The following KYNU variants were observed in gnomAD, a reference collection of about 807,000 sequenced individuals.
KYNU encodes kynureninase.
Under a neutral mutation model 59.2 loss-of-function variants are expected in KYNU, and 54 were observed. The observed-to-expected ratio is 0.91, with a 90% CI of 0.73 to 1.14. The LOEUF is 1.14. Among genes scored for constraint, KYNU ranks in the 50% most tolerant of loss-of-function variants. The pLI, the probability that KYNU is intolerant of heterozygous loss-of-function variation, is 0.00. For synonymous variants in KYNU, 177 were observed against 192.0 expected (o/e 0.92, Z 0.65); for missense variants, 567 against 554.4 (o/e 1.02, Z -0.23).
chr2:142,998,041 A>G (rs1198483287), intron 10 of KYNU, among the ~76,000 whole-genome samples: 2 of 152,200 alleles, frequency 1.3e-5, no homozygotes, highest in African/African-American at 4.8e-5. Context: ...TATGATGTTC[A>G]AAGAACACAC....
rs1687264332 is a variant in KYNU at position 143,051,475 on chromosome 2, G to C, written c.*9303G>C. Reference sequence around the variant, plus strand: ...ATATAAATTATATTTTTATTTCATAGTGGTATTTTCAATTTTGTCTGGGAT... The same window carrying C: ...ATATAAATTATATTTTTATTTCATACTGGTATTTTCAATTTTGTCTGGGAT... On this transcript the variant is annotated 3_prime_UTR_variant, in exon 14 of 14. Transcript: ENST00000264170. The C allele has an allele frequency of 6.6e-6, 1 of 151,948 alleles. No homozygotes were observed. Among genetic ancestry groups the C allele is most frequent in the African/African-American group, 2.4e-5 (1 of 41,358 alleles). 9.4% of individuals were successfully genotyped at this position (151,948 alleles called of 1,614,324 possible). A position where few individuals can be genotyped will look rare whatever the true frequency, so the allele number is the denominator to read the frequency against.
intron 4 of KYNU, 91 bp downstream of exon 4, chr2:142,927,832 T>C: frequency 1.1e-6 from 1 of 886,356 alleles, no homozygotes; most frequent in Non-Finnish European, 1.9e-6. Flanking sequence ...AAAATCTTAT[T>C]GAAGAACATA....
Position 143,055,480 on chromosome 2 carries a change from C to T in KYNU, c.*13308C>T, listed in dbSNP as rs893429463. The T allele has an allele frequency of 6.6e-6, 1 of 152,180 alleles. No individual in the cohort carries two copies. The highest frequency in any genetic ancestry group is 2.4e-5 in the African/African-American group (1 of 41,444). The allele number at this position is 152,180 out of a possible 1,614,324, so 9.4% of individuals were successfully genotyped here. On this transcript the variant is annotated 3_prime_UTR_variant, in exon 14 of 14. Transcript: ENST00000264170. ...TTTGAGTCTATTGAGGCCAACTGGA[C>T]AATCAAGGATTATCTCCCTATGTTA...
At chr2:143,015,966 A>G (rs530382945) in intron 10 of KYNU, among the ~76,000 whole-genome samples, 42 of 152,244 alleles carry the variant, frequency 2.8e-4, no homozygotes, top group African/African-American at 7.5e-4. Flanking sequence ...AGAATAGTCT[A>G]TTTCCTCACA....
chr2:142,987,992 A>G (rs112249990), intron 10 of KYNU, among the ~76,000 whole-genome samples: 1 of 151,904 alleles, frequency 6.6e-6, no homozygotes, highest in Non-Finnish European at 1.5e-5. Context: ...AAGTTTCCTG[A>G]GGCCTTCCCA....
At position 142,983,772 on chromosome 2, in the gene KYNU, A is replaced by G. The variant is rs72849137; in HGVS notation, c.730-1312A>G. Among the ~76,000 whole-genome samples, 1,314 of 152,220 alleles carry G rather than the reference A, an allele frequency of 8.6e-3. 7 individuals carry two copies. The highest frequency in any genetic ancestry group is 0.013 in the Non-Finnish European group (895 of 67,964). On this transcript the variant is annotated intron_variant, in intron 8 of 13. Transcript: ENST00000264170. The stretch of plus-strand genomic sequence containing the variant: ...TTTGTTTTAGAATAACAACAAATGC[A>G]TTACATATTAACATAAGCAAAATAT...
At chr2:142,902,697 A>C (rs796809510) in intron 2 of KYNU, among the ~76,000 whole-genome samples, 1 of 152,200 alleles carries the variant, frequency 6.6e-6, no homozygotes, top group African/African-American at 2.4e-5. Flanking sequence ...GGAAGTTTAA[A>C]AGCGCTTGGG....
intron 2 of KYNU, among the ~76,000 whole-genome samples, chr2:142,907,307 C>T (rs557761827): frequency 2.6e-5 from 4 of 152,238 alleles, no homozygotes; most frequent in Admixed American, 2.6e-4. Flanking sequence ...TATCAGAAGC[C>T]GTGGGACATG....
rs1687118155 is a variant in KYNU at position 143,043,723 on chromosome 2, T to G, written c.*1551T>G. On this transcript the variant is annotated 3_prime_UTR_variant, in exon 14 of 14. Transcript: ENST00000264170. The stretch of plus-strand genomic sequence containing the variant: ...GCATAAGTGGATTCATATACATATA[T>G]AAAAATATATATAAATATATATACT... The G allele has an allele frequency of 6.8e-6, 1 of 147,170 alleles. No individual in the cohort carries two copies. Among genetic ancestry groups the G allele is most frequent in the African/African-American group, 2.5e-5 (1 of 40,532 alleles). 9.1% of individuals were successfully genotyped at this position (147,170 alleles called of 1,614,324 possible).
At chr2:142,891,626 G>C (rs892725997) in intron 2 of KYNU, among the ~76,000 whole-genome samples, 3 of 152,090 alleles carry the variant, frequency 2.0e-5, no homozygotes, top group African/African-American at 7.2e-5. Flanking sequence ...TGTCTCCAGG[G>C]CTTCCATATA....
intron 4 of KYNU, among the ~76,000 whole-genome samples, chr2:142,942,126 A>G (rs1683619992): frequency 6.8e-6 from 1 of 148,098 alleles, no homozygotes; most frequent in Non-Finnish European, 1.5e-5. Context: ...ACAGTGAGCC[A>G]TGATCATGCT....
At chr2:142,919,518 A>G (rs1254645719) in intron 3 of KYNU, among the ~76,000 whole-genome samples, 1 of 152,262 alleles carries the variant, frequency 6.6e-6, no homozygotes, top group Non-Finnish European at 1.5e-5. Context: ...GAAAGATGAA[A>G]CCAAACCAAA....
chr2:142,888,265 C>T (rs1427911425), intron 2 of KYNU, among the ~76,000 whole-genome samples: 3 of 152,088 alleles, frequency 2.0e-5, no homozygotes, highest in Non-Finnish European at 4.4e-5. Flanking sequence ...TGATACCAGC[C>T]TGGGCAACAT....
intron 2 of KYNU, among the ~76,000 whole-genome samples, chr2:142,906,076 G>GTC (rs748036689): frequency 1.7e-4 from 24 of 141,832 alleles, no homozygotes; most frequent in Middle Eastern, 3.4e-3. Flanking sequence ...TCTCCTCTCT[G>GTC]TCTCTCTCTC....
intron 10 of KYNU, among the ~76,000 whole-genome samples, chr2:143,019,784 C>A (rs1021851739): frequency 6.6e-6 from 1 of 152,054 alleles, no homozygotes; most frequent in African/African-American, 2.4e-5. Context: ...TCCATCACGT[C>A]TTTGGATTTT....
intron 1 of KYNU, chr2:142,879,476 C>T (rs1438429697): frequency 5.3e-5 from 8 of 152,002 alleles, no homozygotes; most frequent in Non-Finnish European, 5.9e-5. Context: ...AAGTGTAGGA[C>T]TGAAAAAAGA....
chr2:142,943,846 G>A (rs966192475), intron 4 of KYNU, among the ~76,000 whole-genome samples: 14 of 152,072 alleles, frequency 9.2e-5, no homozygotes, highest in African/African-American at 3.1e-4. Context: ...AAAGTTCTTG[G>A]ACTTAGCCTA....
intron 1 of KYNU, chr2:142,879,379 T>C (rs1681213283): frequency 6.6e-6 from 1 of 152,274 alleles, no homozygotes; most frequent in Non-Finnish European, 1.5e-5. Flanking sequence ...CCAGCCACTT[T>C]AACTTTTGCC....
chr2:142,892,068 A>G (rs1400909738), intron 2 of KYNU, among the ~76,000 whole-genome samples: 1 of 152,052 alleles, frequency 6.6e-6, no homozygotes, highest in Non-Finnish European at 1.5e-5. Context: ...GCATACCACT[A>G]CACCCAGATA....
Sources: allele counts gnomAD v4.1 joint callset (sites outside exome capture counted in the v4.1 genomes callset), GRCh38; gene constraint gnomAD v4.1.1; transcripts MANE v1.5; gene names NCBI Gene and HGNC (gene_info 2026-07-23, HGNC 2026-07-21).